Variants in DNAH8 observed in about 807,000 individuals in gnomAD.
DNAH8 encodes dynein axonemal heavy chain 8, also known as axonemal beta dynein heavy chain 8.
DNAH8 carries 382 observed loss-of-function variants against 562.1 expected under a neutral mutation model. The observed-to-expected ratio is 0.68, with a 90% CI of 0.63 to 0.74. The LOEUF (loss-of-function observed/expected upper bound fraction) is 0.74. Among genes scored for constraint, DNAH8 ranks in the 30% least tolerant of loss-of-function variants. The pLI, the probability that DNAH8 is intolerant of heterozygous loss-of-function variation, is 0.00. For missense variants in DNAH8, 5,203 were observed against 5,620.4 expected, an observed-to-expected ratio of 0.93 and a Z score of 2.37; for synonymous variants, 1,881 against 1,919.4, an observed-to-expected ratio of 0.98 and a Z score of 0.52.
At chr6:38,769,225 AT>A (rs1184461189) in intron 11 of DNAH8, among the ~76,000 whole-genome samples, 2 of 152,136 alleles carry the variant, frequency 1.3e-5, no homozygotes, top group Admixed American at 6.5e-5. Context: ...ATTTAAAAAA[AT>A]TTTTTTATTA....
At chr6:38,758,033 A>G (rs1017808923) in intron 10 of DNAH8, among the ~76,000 whole-genome samples, 1 of 152,120 alleles carries the variant, frequency 6.6e-6, no homozygotes, top group Non-Finnish European at 1.5e-5. Flanking sequence ...TGCCATATGA[A>G]CTTTAAAGTA....
chr6:38,812,818 T>C (rs1771917707), intron 24 of DNAH8, among the ~76,000 whole-genome samples: 1 of 152,182 alleles, frequency 6.6e-6, no homozygotes, highest in African/African-American at 2.4e-5. Context: ...ACGTGCCGTA[T>C]CTAGGTAGTA....
chr6:38,923,886 G>C lies in DNAH8; in HGVS notation c.10791-105G>C, dbSNP rs1203675674. 28 of 1,267,264 alleles carry C rather than the reference G, an allele frequency of 2.2e-5. No individual in the cohort carries two copies. The South Asian group carries it at 3.6e-4, about 16-fold the overall frequency. 78.5% of individuals were successfully genotyped at this position (1,267,264 alleles called of 1,614,324 possible). On this transcript the variant is annotated intron_variant, in intron 72 of 92. Transcript: ENST00000327475. ...GCCTGGCTACCAAGCATTAAGCAGG[G>C]GCAAAGAAGGATTTCACCCAGTAAC...
intron 85 of DNAH8, among the ~76,000 whole-genome samples, chr6:38,978,468 T>C (rs1425233122): frequency 6.6e-6 from 1 of 152,234 alleles, no homozygotes; most frequent in Non-Finnish European, 1.5e-5. Context: ...CTCATTTAAA[T>C]GTCTTTGAAT....
rs773448341 is a variant in DNAH8, at chr6:38,737,874, C to T, written c.1018C>T (p.Leu340=). The T allele has an allele frequency of 1.9e-6, 3 of 1,594,530 alleles. No individual in the cohort carries two copies. The South Asian group carries it at 3.4e-5, about 18-fold the overall frequency. The change falls in exon 7 of 93, where the codon CTG becomes TTG. Residue 340 remains leucine (L), a synonymous_variant. Coordinates refer to ENST00000327475, the MANE Select transcript of DNAH8 (RefSeq NM_001206927.2). ...AATAGACAATGTTAATTTTTCCAAA[C>T]TGCACACCTTTGAAGAAGTAACTGC... The part of the protein sequence containing the change: ...KTIDNVNFSK[L]HTFEEVTAAA...
chr6:38,885,127 G>A (rs1465196613), intron 56 of DNAH8, among the ~76,000 whole-genome samples: 2 of 152,176 alleles, frequency 1.3e-5, no homozygotes, highest in African/African-American at 2.4e-5. Context: ...GGAGGGTGAA[G>A]GCATGTTTAG....
chr6:38,990,151 T>A lies in DNAH8; in HGVS notation c.13193T>A (p.Leu4398His). 1 of 1,610,710 alleles carries A rather than the reference T, an allele frequency of 6.2e-7. No homozygotes were observed. The highest frequency in any genetic ancestry group is 8.5e-7 in the Non-Finnish European group (1 of 1,178,182). Reference sequence around the variant, plus strand: ...CTAGATAACCCTGAAGTCTTTGGGCTTCACCCTAATGCTGATATCACGTAA... The same window carrying A: ...CTAGATAACCCTGAAGTCTTTGGGCATCACCCTAATGCTGATATCACGTAA... ...PSLDNPEVFG[L>H]HPNADITYQS... Residue 4398 changes from leucine to histidine, a missense_variant, in exon 88 of 93, where the codon CTT becomes CAT. Leu to His is a moderately conservative substitution (Grantham distance 99). Around this residue, in one of 6 missense-constraint regions of DNAH8, gnomAD observed 1,399 missense variants for 1,518.4 expected, o/e 0.92. Coordinates refer to ENST00000327475, the MANE Select transcript of DNAH8 (RefSeq NM_001206927.2).
At chr6:38,844,588 C>G (rs956328012) in intron 35 of DNAH8, among the ~76,000 whole-genome samples, 1 of 152,100 alleles carries the variant, frequency 6.6e-6, no homozygotes, top group Non-Finnish European at 1.5e-5. Flanking sequence ...AATAATATAG[C>G]CATTCGTAGG....
rs111827517 is a variant in DNAH8, at chr6:38,950,833, C to CA, written c.12249-473dup. On this transcript the variant is annotated intron_variant, in intron 81 of 92. Transcript: ENST00000327475. ...GTCAAATAGTGCAATCTAGTAGCAC[C>CA]AAAAAAAAAAAAGTCTGTGGGGCTT... 5.5e-3 allele frequency among the ~76,000 whole-genome samples: 750 copies of CA among 136,766 alleles called. 6 individuals are homozygous for CA. The highest frequency in any genetic ancestry group is 0.011 in the Admixed American group (155 of 13,702). 89.7% of individuals were successfully genotyped at this position (136,766 alleles called of 152,430 possible).
rs115461253 is a variant in DNAH8 at position 38,724,522 on chromosome 6, G to A, written c.525+1051G>A. Among the ~76,000 whole-genome samples, 821 of 152,270 alleles carry A rather than the reference G, an allele frequency of 5.4e-3. 10 individuals are homozygous for A. The highest frequency in any genetic ancestry group is 0.019 in the African/African-American group (776 of 41,548). On this transcript the variant is annotated intron_variant, in intron 3 of 92. Transcript: ENST00000327475. ...GTGACTATTGTATGAGTATACGGTA[G>A]TAGAAATAGTGATGTGATTGCAGGT...
intron 10 of DNAH8, among the ~76,000 whole-genome samples, chr6:38,760,915 T>C (rs1252699121): frequency 3.3e-5 from 5 of 152,060 alleles, no homozygotes; most frequent in African/African-American, 1.2e-4. Context: ...TCTCTATAAA[T>C]TACCCATTCT....
At chr6:38,715,913 AATAAATAAATAAATATAT>A (rs1323635374) in intron 1 of DNAH8, among the ~76,000 whole-genome samples, 3 of 43,688 alleles carry the variant, frequency 6.9e-5, no homozygotes, top group East Asian at 1.3e-3. Context: ...AAAATAAATA[AATAAATAAATAAATATAT>A]ATATATATAT....
intron 71 of DNAH8, among the ~76,000 whole-genome samples, chr6:38,922,508 A>T (rs1385200383): frequency 3.3e-5 from 5 of 152,112 alleles, no homozygotes; most frequent in Admixed American, 6.6e-5. Flanking sequence ...TTTGTTATTT[A>T]TTACTTTTGC....
chr6:39,026,402 C>T, intron 91 of DNAH8, 144 bp from the exon 92 acceptor site: 3 of 715,644 alleles, frequency 4.2e-6, no homozygotes, highest in Non-Finnish European at 6.7e-6. Context: ...AGACAAATGT[C>T]TCCCCTGGGG....
chr6:38,725,647 G>A, intron 3 of DNAH8, among the ~76,000 whole-genome samples: 1 of 152,158 alleles, frequency 6.6e-6, no homozygotes, highest in East Asian at 1.9e-4. Context: ...GGTCACCAAA[G>A]TTCCCCGCTG....
chr6:38,758,866 C>T (rs1766199269), intron 10 of DNAH8, among the ~76,000 whole-genome samples: 1 of 152,068 alleles, frequency 6.6e-6, no homozygotes, highest in African/African-American at 2.4e-5. Context: ...GCCTTGCATC[C>T]CAGGGATGAA....
In DNAH8 at chr6:38,909,671, A is replaced by C; in HGVS notation, c.9667A>C (p.Lys3223Gln). The change falls in exon 65 of 93, where the codon AAA becomes CAA. Residue 3223 changes from lysine (K) to glutamine (Q), a missense_variant. This residue lies in a region of DNAH8 where 977 missense variants were observed against 1,061.8 expected (regional missense o/e 0.92). Coordinates refer to ENST00000327475, the MANE Select transcript of DNAH8 (RefSeq NM_001206927.2). ...TAATATTGTCTGCTCTAGTGAAATT[A>C]AAAGACAAGTTGTAGAAACAATGGG... ...DYNIVCSSEIKRQVVETMGLF... is the reference protein window; with the variant it reads ...DYNIVCSSEIQRQVVETMGLF... 6.2e-7 allele frequency: 1 copy of C among 1,614,194 alleles called. No individual in the cohort carries two copies. The highest frequency in any genetic ancestry group is 8.5e-7 in the Non-Finnish European group (1 of 1,180,012).
At chr6:38,884,897 C>T (rs968028287) in intron 56 of DNAH8, among the ~76,000 whole-genome samples, 2 of 152,178 alleles carry the variant, frequency 1.3e-5, no homozygotes, top group African/African-American at 2.4e-5. Context: ...CCGCATGCTC[C>T]TGGTGGGATC....
At chr6:38,880,660 TA>T (rs1778404157) in intron 53 of DNAH8, among the ~76,000 whole-genome samples, 1 of 152,146 alleles carries the variant, frequency 6.6e-6, no homozygotes, top group South Asian at 2.1e-4. Flanking sequence ...CTTTGCTAAA[TA>T]AGATAAGTGA....
Sources: allele counts gnomAD v4.1 joint callset (sites outside exome capture counted in the v4.1 genomes callset), GRCh38; gene constraint gnomAD v4.1.1; regional missense constraint gnomAD v4.1.1; transcripts MANE v1.5; gene names NCBI Gene and HGNC (gene_info 2026-07-23, HGNC 2026-07-21).